SV2C: variants seen among roughly 807,000 people sequenced by gnomAD.
The protein encoded by SV2C is solute carrier family 22 member B3.
In SV2C, 49 loss-of-function variants were observed where a neutral mutation model predicts 79.7. That is an observed-to-expected ratio of 0.61 (90% confidence interval 0.49 to 0.78). SV2C has a LOEUF of 0.78. Among genes scored for constraint, SV2C ranks in the 30% least tolerant of loss-of-function variants. The pLI, the probability that SV2C is intolerant of heterozygous loss-of-function variation, is 0.00. For synonymous variants in SV2C, 334 were observed against 333.2 expected (o/e 1.00, Z -0.03); for missense variants, 833 against 912.9 (o/e 0.91, Z 1.13).
the SV2C span, among the ~76,000 whole-genome samples, chr5:76,033,607 A>G: frequency 3.9e-5 from 6 of 152,144 alleles, no homozygotes; most frequent in Non-Finnish European, 8.8e-5. Context: ...ATTGATCTAT[A>G]TCTCTGTTTT....
At chr5:76,319,155 A>C (rs1216944473) in intron 12 of SV2C, among the ~76,000 whole-genome samples, 1 of 152,170 alleles carries the variant, frequency 6.6e-6, no homozygotes, top group Non-Finnish European at 1.5e-5. Flanking sequence ...TCACGCCTGT[A>C]ATCCCAGCCC....
chr5:76,270,679 A>G (rs1345318797), intron 4 of SV2C, among the ~76,000 whole-genome samples: 1 of 152,224 alleles, frequency 6.6e-6, no homozygotes, highest in Non-Finnish European at 1.5e-5. Flanking sequence ...TTGGGGCTCA[A>G]ACGAGCAGAT....
intron 2 of SV2C, among the ~76,000 whole-genome samples, chr5:76,137,447 G>A (rs1478527664): frequency 2.6e-5 from 4 of 152,170 alleles, no homozygotes; most frequent in Non-Finnish European, 5.9e-5. Flanking sequence ...AGAGCAGATG[G>A]GGAGGCTGAT....
At chr5:76,274,944 G>C (rs1326455936) in intron 4 of SV2C, among the ~76,000 whole-genome samples, 1 of 152,046 alleles carries the variant, frequency 6.6e-6, no homozygotes, top group Non-Finnish European at 1.5e-5. Context: ...CTCTTCCTAA[G>C]CTTGTTGGGC....
intron 1 of SV2C, 92 bp from the exon 2 acceptor site, chr5:76,131,558 G>A: frequency 2.7e-6 from 1 of 375,278 alleles, no homozygotes; most frequent in Non-Finnish European, 4.7e-6. Context: ...GTTGTAGTTT[G>A]TGGGACACTG....
chr5:75,974,364 C>G, the SV2C span, among the ~76,000 whole-genome samples: 1 of 152,114 alleles, frequency 6.6e-6, no homozygotes, highest in Non-Finnish European at 1.5e-5. Context: ...AGAACACACT[C>G]TTAGAAAGTT....
chr5:76,061,957 T>A, the SV2C span, among the ~76,000 whole-genome samples: 1 of 93,670 alleles, frequency 1.1e-5, no homozygotes, highest in Non-Finnish European at 1.9e-5. Flanking sequence ...TTTTGGCTTT[T>A]TTTTAACCTG....
At chr5:76,097,723 A>G (rs761880241) in intron 1 of SV2C, among the ~76,000 whole-genome samples, 2 of 152,190 alleles carry the variant, frequency 1.3e-5, no homozygotes, top group Non-Finnish European at 2.9e-5. Flanking sequence ...AATCCTCTAT[A>G]TTTTAGCACT....
intron 4 of SV2C, among the ~76,000 whole-genome samples, chr5:76,253,897 A>G (rs918535993): frequency 1.3e-5 from 2 of 152,124 alleles, no homozygotes; most frequent in African/African-American, 2.4e-5. Context: ...TCTCCCTATC[A>G]TAAGTTTTTA....
At chr5:76,035,843 G>T in the SV2C span, among the ~76,000 whole-genome samples, 1 of 152,046 alleles carries the variant, frequency 6.6e-6, no homozygotes, top group South Asian at 2.1e-4. Flanking sequence ...GTTGACAGTG[G>T]GGTGTTAAAG....
the SV2C span, among the ~76,000 whole-genome samples, chr5:75,939,425 T>C: frequency 6.6e-6 from 1 of 152,042 alleles, no homozygotes; most frequent in African/African-American, 2.4e-5. Context: ...ACTAAAGTCA[T>C]CAGACCAGGG....
chr5:75,881,940 T>C, the SV2C span, among the ~76,000 whole-genome samples: 1 of 148,154 alleles, frequency 6.7e-6, no homozygotes, highest in African/African-American at 2.6e-5. Flanking sequence ...GGGTTTGTCA[T>C]AGATAGCTCT....
intron 2 of SV2C, among the ~76,000 whole-genome samples, chr5:76,161,805 G>A (rs1178084509): frequency 6.6e-6 from 1 of 152,208 alleles, no homozygotes; most frequent in Non-Finnish European, 1.5e-5. Flanking sequence ...GAGTAGACAT[G>A]TAAGGTTGCT....
chr5:75,898,163 G>A, the SV2C span, among the ~76,000 whole-genome samples: 1 of 152,166 alleles, frequency 6.6e-6, no homozygotes, highest in Admixed American at 6.5e-5. Context: ...CAAAGGGAAT[G>A]CTTCCAGTTT....
intron 4 of SV2C, among the ~76,000 whole-genome samples, chr5:76,258,546 G>A (rs535996817): frequency 3.9e-5 from 6 of 152,270 alleles, no homozygotes; most frequent in South Asian, 2.1e-4. Flanking sequence ...GAAATAGTGC[G>A]AAATCCACAG....
At chr5:75,964,110 C>T in the SV2C span, among the ~76,000 whole-genome samples, 45 of 152,040 alleles carry the variant, frequency 3.0e-4, no homozygotes, top group African/African-American at 1.0e-3. Context: ...TCTGTTTCCC[C>T]CAAGGACCTG....
chr5:75,971,196 T>C, the SV2C span, among the ~76,000 whole-genome samples: 1 of 152,092 alleles, frequency 6.6e-6, no homozygotes, highest in Non-Finnish European at 1.5e-5. Flanking sequence ...GAGCTATCCA[T>C]GACAAACCCA....
the SV2C span, among the ~76,000 whole-genome samples, chr5:76,028,033 G>A: frequency 0.19 from 29,467 of 152,024 alleles, 3,144 homozygotes; most frequent in East Asian, 0.44. Flanking sequence ...TCTCTGTGCA[G>A]CATTCTCCTC....
rs186692258 is a variant in SV2C, at chr5:76,122,892, A to G, written c.-101-8758A>G. Among the ~76,000 whole-genome samples the G allele has an allele frequency of 2.6e-5, 4 of 152,300 alleles. No individual in the cohort carries two copies. In the East Asian group the frequency reaches 7.7e-4, roughly 29 times the overall value. The stretch of plus-strand genomic sequence containing the variant: ...TAAAATCAGAGCAGAACTGAAGGAA[A>G]TACAAAAAAAACCCTTCAAAAAATT... On this transcript the variant is annotated intron_variant, in intron 1 of 12. Transcript: ENST00000502798.
Sources: allele counts gnomAD v4.1 joint callset (sites outside exome capture counted in the v4.1 genomes callset), GRCh38; gene constraint gnomAD v4.1.1; transcripts MANE v1.5; gene names NCBI Gene and HGNC (gene_info 2026-07-23, HGNC 2026-07-21).